Variants in RFTN1 observed in about 807,000 individuals in gnomAD.
RFTN1 encodes raftlin.
A neutral mutation model predicts 46.5 loss-of-function variants in RFTN1; 26 were observed. The ratio of observed to expected loss-of-function variants is 0.56; its 90% CI spans 0.41 to 0.78. RFTN1 has a LOEUF of 0.78. Among genes scored for constraint, RFTN1 ranks in the 30% least tolerant of loss-of-function variants. RFTN1 has a pLI of 0.00. For missense variants in RFTN1, 693 were observed against 718.7 expected (o/e 0.96, Z 0.41); for synonymous variants, 261 against 284.2 (o/e 0.92, Z 0.82).
chr3:16,493,674 C>A (rs759889714), intron 2 of RFTN1, 51 bp downstream of exon 2: 2 of 1,494,940 alleles, frequency 1.3e-6, no homozygotes, highest in Admixed American at 3.6e-5. Context: ...CCCTGCAGGC[C>A]CCTGCTGGAG....
Position 16,452,047 on chromosome 3 carries a change from G to C in RFTN1, c.146-18010C>G, listed in dbSNP as rs1165881446. 6.6e-6 allele frequency among the ~76,000 whole-genome samples: 1 copy of C among 152,126 alleles called. No individual in the cohort carries two copies. Among genetic ancestry groups the C allele is most frequent in the African/African-American group, 2.4e-5 (1 of 41,436 alleles). On this transcript the variant is annotated intron_variant, in intron 2 of 9. Transcript: ENST00000334133. The surrounding 1 kb of genome is among the most constrained non-coding windows in gnomAD (Gnocchi z 6.3). Reference sequence around the variant, plus strand: ...AGGACAAATAGATGATCCACGTCCTGGGCGGAATAGAGCAGGATGGCACGA... The same window carrying C: ...AGGACAAATAGATGATCCACGTCCTCGGCGGAATAGAGCAGGATGGCACGA...
chr3:16,318,747 A>C (rs554138673), intron 9 of RFTN1, among the ~76,000 whole-genome samples: 67 of 152,298 alleles, frequency 4.4e-4, no homozygotes, highest in African/African-American at 1.4e-3. Context: ...TGTATCCCCC[A>C]AAAAACCCAA....
At chr3:16,409,223 G>A (rs2074931005) in intron 4 of RFTN1, 152 bp downstream of exon 4, 1 of 556,810 alleles carries the variant, frequency 1.8e-6, no homozygotes, top group South Asian at 2.2e-5. Flanking sequence ...CTCTGGAGGG[G>A]GCTGCTTCCC....
chr3:16,459,814 A>G lies in RFTN1; in HGVS notation c.146-25777T>C, dbSNP rs958665349. 6.6e-6 allele frequency among the ~76,000 whole-genome samples: 1 copy of G among 152,094 alleles called. No homozygotes were observed. Among genetic ancestry groups the G allele is most frequent in the African/African-American group, 2.4e-5 (1 of 41,392 alleles). ...TTATTGGCCATTGTTGTTTATTTAA[A>G]TGCTAGAAAAAAAATAAGATTTATA... On this transcript the variant is annotated intron_variant, in intron 2 of 9. Transcript: ENST00000334133. This position sits in a 1 kb window ranked among gnomAD's most constrained non-coding sequence, Gnocchi z 4.2.
chr3:16,456,900 C>T (rs1480557569), intron 2 of RFTN1, among the ~76,000 whole-genome samples: 2 of 152,204 alleles, frequency 1.3e-5, no homozygotes, highest in Non-Finnish European at 2.9e-5. Flanking sequence ...AGAGTCATGT[C>T]TGGTTGACAT....
rs577921947 is a variant in RFTN1 at position 16,460,736 on chromosome 3, C to G, written c.146-26699G>C. On this transcript the variant is annotated intron_variant, in intron 2 of 9. Transcript: ENST00000334133. The surrounding 1 kb of genome is among the most constrained non-coding windows in gnomAD (Gnocchi z 4.8). ...GTCACTTGAGCCTCATTTTCCATGC[C>G]AAAATTCAGGATTTAAGGTCTAAAA... 1.3e-5 allele frequency among the ~76,000 whole-genome samples: 2 copies of G among 152,200 alleles called. No individual in the cohort carries two copies. Among genetic ancestry groups the G allele is most frequent in the South Asian group, 4.1e-4 (2 of 4,824 alleles).
At position 16,352,673 on chromosome 3, in the gene RFTN1, T is replaced by A. The variant is rs773846522; in HGVS notation, c.1146+5259A>T. 6.6e-6 allele frequency among the ~76,000 whole-genome samples: 1 copy of A among 152,222 alleles called. No homozygotes were observed. The highest frequency in any genetic ancestry group is 1.5e-5 in the Non-Finnish European group (1 of 68,030). On this transcript the variant is annotated intron_variant, in intron 7 of 9. Coordinates refer to ENST00000334133, the MANE Select transcript of RFTN1 (RefSeq NM_015150.2). This position sits in a 1 kb window ranked among gnomAD's most constrained non-coding sequence, Gnocchi z 4.6. ...TGTCTCACTGATGATACCAGGTGAC[T>A]GACACAGAAAGCAGTATGTAGTGAG...
At position 16,345,597 on chromosome 3, in the gene RFTN1, G is replaced by A. The variant is rs184638996; in HGVS notation, c.1146+12335C>T. ...ACCGCCTGACTGCTTGAACAGGAAC[G>A]TCCATCTTCTGCCCTTGTTGCTCCT... On this transcript the variant is annotated intron_variant, in intron 7 of 9. Coordinates refer to ENST00000334133, the MANE Select transcript of RFTN1 (RefSeq NM_015150.2). The surrounding 1 kb of genome is among the most constrained non-coding windows in gnomAD (Gnocchi z 5.2). 1.1e-3 allele frequency among the ~76,000 whole-genome samples: 168 copies of A among 152,140 alleles called. No homozygotes were observed. Among genetic ancestry groups the A allele is most frequent in the African/African-American group, 3.9e-3 (160 of 41,508 alleles).
At chr3:16,391,904 C>CTTTTTTTT (rs2074360775) in intron 4 of RFTN1, among the ~76,000 whole-genome samples, 1 of 89,248 alleles carries the variant, frequency 1.1e-5, no homozygotes, top group African/African-American at 3.6e-5. Flanking sequence ...GTTTTTTTTA[C>CTTTTTTTT]GGGGAAGAAA....
At chr3:16,409,250 G>C in intron 4 of RFTN1, 125 bp downstream of exon 4, 1 of 643,376 alleles carries the variant, frequency 1.6e-6, no homozygotes, top group Non-Finnish European at 2.8e-6. Flanking sequence ...GCTGCCAAAG[G>C]TTTAGGTCAC....
chr3:16,403,647 TATATA>T (rs1240875428), intron 4 of RFTN1, among the ~76,000 whole-genome samples: 1 of 46,760 alleles, frequency 2.1e-5, no homozygotes, highest in African/African-American at 9.9e-5. Flanking sequence ...ATATAATATA[TATATA>T]ATATATATTT....
rs1398280379 is a variant in RFTN1, at chr3:16,320,641, GT to G, written c.1332+2734del. On this transcript the variant is annotated intron_variant, in intron 9 of 9. Transcript: ENST00000334133. The surrounding 1 kb of genome is among the most constrained non-coding windows in gnomAD (Gnocchi z 4.5). ...TTCCAGGGTAGTACAAAGGAGTCTG[GT>G]TTGGTATAAAAGGAGACAGCACTGT... Among the ~76,000 whole-genome samples, 1 of 152,242 alleles carries G rather than the reference GT, an allele frequency of 6.6e-6. No homozygotes were observed. The highest frequency in any genetic ancestry group is 1.5e-5 in the Non-Finnish European group (1 of 68,044).
rs140326123 is a variant in RFTN1 at position 16,483,972 on chromosome 3, G to A, written c.145+9753C>T. Among the ~76,000 whole-genome samples, 115 of 152,242 alleles carry A rather than the reference G, an allele frequency of 7.6e-4. No individual in the cohort carries two copies. Among genetic ancestry groups the A allele is most frequent in the Non-Finnish European group, 1.3e-3 (87 of 68,020 alleles). On this transcript the variant is annotated intron_variant, in intron 2 of 9. Transcript: ENST00000334133. This position sits in a 1 kb window ranked among gnomAD's most constrained non-coding sequence, Gnocchi z 4.8. ...TATTCTGATTCACTCTCAAGGTTGG[G>A]AACCACTCCTTTAAGCTAATGATTA...
chr3:16,406,758 C>T (rs76771791), intron 4 of RFTN1, among the ~76,000 whole-genome samples: 1,920 of 152,274 alleles, frequency 0.013, 41 homozygotes, highest in African/African-American at 0.043. Flanking sequence ...AACTAAATGA[C>T]ACTGAATGAA....
intron 7 of RFTN1, among the ~76,000 whole-genome samples, chr3:16,333,782 A>T (rs2070566770): frequency 6.6e-6 from 1 of 152,234 alleles, no homozygotes; most frequent in African/African-American, 2.4e-5. Context: ...CAAATTTTAA[A>T]AGGGCCAAAG....
Position 16,357,976 on chromosome 3 carries a change from G to T in RFTN1, c.1102C>A (p.Gln368Lys), listed in dbSNP as rs754011439. 1.3e-6 allele frequency: 2 copies of T among 1,531,518 alleles called. No homozygotes were observed. Among genetic ancestry groups the T allele is most frequent in the Admixed American group, 3.5e-5 (2 of 56,516 alleles). The allele number at this position is 1,531,518 out of a possible 1,614,324, so 94.9% of individuals were successfully genotyped here. The change falls in exon 7 of 10, where the codon CAG becomes AAG. Residue 368 changes from glutamine (Q) to lysine (K), a missense_variant. Coordinates refer to ENST00000334133, the MANE Select transcript of RFTN1 (RefSeq NM_015150.2). The stretch of plus-strand genomic sequence containing the variant: ...TCAACCACAATAGCATCATAGCCCT[G>T]TATGGTTTTGCTATCTTCTGTGGAA... ...AVSTEDSKTI[Q>K]GYDAIVVEQW... is the part of the protein sequence containing the mutation.
intron 6 of RFTN1, among the ~76,000 whole-genome samples, chr3:16,360,799 C>G (rs1305818161): frequency 3.9e-5 from 6 of 152,078 alleles, no homozygotes. Context: ...AAAATACTAG[C>G]CTGTCCCTAA....
At chr3:16,373,711 A>C (rs529803973) in intron 5 of RFTN1, among the ~76,000 whole-genome samples, 3 of 152,306 alleles carry the variant, frequency 2.0e-5, no homozygotes, top group South Asian at 2.1e-4. Flanking sequence ...TGGGAGGAGG[A>C]GGCAGCTGGT....
rs540671791 is a variant in RFTN1 at position 16,475,636 on chromosome 3, T to G, written c.145+18089A>C. Among the ~76,000 whole-genome samples, 1 of 152,308 alleles carries G rather than the reference T, an allele frequency of 6.6e-6. No individual in the cohort carries two copies. Among genetic ancestry groups the G allele is most frequent in the South Asian group, 2.1e-4 (1 of 4,822 alleles). On this transcript the variant is annotated intron_variant, in intron 2 of 9. Transcript: ENST00000334133. The surrounding 1 kb of genome is among the most constrained non-coding windows in gnomAD (Gnocchi z 4.2). ...GAGTCTCTAGAGTGCCTCTTGGTAC[T>G]TCCATGTCCAAGAGTAAAAATCAAT...
Sources: gnomAD v4.1 joint callset for allele counts (sites outside exome capture counted in the v4.1 genomes callset) on GRCh38, gnomAD v4.1.1 for gene constraint, Gnocchi (gnomAD v3.1) non-coding constraint, MANE v1.5 for transcripts, NCBI Gene and HGNC (gene_info 2026-07-23, HGNC 2026-07-21) for gene names.